Variants in SLC24A2 observed in about 807,000 individuals in gnomAD.
SLC24A2 encodes the protein sodium/potassium/calcium exchanger 2.
In SLC24A2, 36 loss-of-function variants were observed where a neutral mutation model predicts 62.0. That is an observed-to-expected ratio of 0.58 (90% CI 0.44 to 0.77). SLC24A2 has a LOEUF of 0.77. Among genes scored for constraint, SLC24A2 ranks in the 30% least tolerant of loss-of-function variants. The pLI is 0.00. For missense variants in SLC24A2, 846 were observed against 817.9 expected (o/e 1.03, Z -0.42); for synonymous variants, 358 against 294.0 (o/e 1.22, Z -2.23).
At chr9:20,093,947 A>G in the SLC24A2 span, among the ~76,000 whole-genome samples, 2 of 152,164 alleles carry the variant, frequency 1.3e-5, no homozygotes, top group Non-Finnish European at 2.9e-5. Context: ...CTATGTACTC[A>G]CAGAAATTTG....
chr9:19,763,589 G>T (rs1285398753), intron 2 of SLC24A2, among the ~76,000 whole-genome samples: 1 of 152,160 alleles, frequency 6.6e-6, no homozygotes, highest in African/African-American at 2.4e-5. Context: ...TTTGTCACTG[G>T]TTCTGTTTAT....
chr9:19,745,067 G>C (rs376600003), intron 2 of SLC24A2, among the ~76,000 whole-genome samples: 1 of 152,132 alleles, frequency 6.6e-6, no homozygotes, highest in African/African-American at 2.4e-5. Context: ...GATCTCTTAT[G>C]AATGGCTTAG....
At chr9:19,709,037 A>G (rs184458157) in intron 2 of SLC24A2, among the ~76,000 whole-genome samples, 32 of 152,332 alleles carry the variant, frequency 2.1e-4, no homozygotes, top group African/African-American at 7.0e-4. Context: ...AGAATCTACA[A>G]TGAACTCAAA....
chr9:20,179,404 G>T, the SLC24A2 span, among the ~76,000 whole-genome samples: 1 of 152,172 alleles, frequency 6.6e-6, no homozygotes, highest in Admixed American at 6.5e-5. Flanking sequence ...GTACGGACAG[G>T]TGGTCCAGAA....
At chr9:20,127,668 G>A in the SLC24A2 span, among the ~76,000 whole-genome samples, 10 of 152,068 alleles carry the variant, frequency 6.6e-5, no homozygotes, top group South Asian at 2.1e-4. Context: ...TTCCAGTTAG[G>A]GTTCTAACTT....
intron 2 of SLC24A2, among the ~76,000 whole-genome samples, chr9:19,706,134 A>T (rs1481481009): frequency 1.3e-5 from 2 of 151,802 alleles, no homozygotes; most frequent in African/African-American, 4.8e-5. Flanking sequence ...GGGTGCATAT[A>T]TATTTAGGAT....
chr9:19,561,759 G>A (rs1297780584), intron 7 of SLC24A2, among the ~76,000 whole-genome samples: 4 of 148,540 alleles, frequency 2.7e-5, no homozygotes, highest in Admixed American at 2.1e-4. Flanking sequence ...ATGATAAATC[G>A]TTGCTTGCCT....
intron 2 of SLC24A2, among the ~76,000 whole-genome samples, chr9:19,737,840 T>C (rs1171531021): frequency 6.6e-6 from 1 of 152,072 alleles, no homozygotes; most frequent in Non-Finnish European, 1.5e-5. Context: ...TTTATAAAAA[T>C]GAAACTTTTT....
chr9:19,584,749 T>C (rs1431526790), intron 5 of SLC24A2, among the ~76,000 whole-genome samples: 3 of 152,186 alleles, frequency 2.0e-5, no homozygotes, highest in Admixed American at 6.5e-5. Context: ...AATAATTTCA[T>C]CTTAAACAAA....
chr9:20,287,497 A>G, the SLC24A2 span, among the ~76,000 whole-genome samples: 1 of 152,232 alleles, frequency 6.6e-6, no homozygotes, highest in African/African-American at 2.4e-5. Context: ...TAACCACAGA[A>G]CAAAAGGGTT....
chr9:19,771,632 C>T (rs1047692829), intron 2 of SLC24A2, among the ~76,000 whole-genome samples: 6 of 152,158 alleles, frequency 3.9e-5, no homozygotes, highest in African/African-American at 7.2e-5. Context: ...AAGCTAGAAA[C>T]GAGAGCGAGG....
At chr9:20,157,105 G>A in the SLC24A2 span, among the ~76,000 whole-genome samples, 2 of 151,758 alleles carry the variant, frequency 1.3e-5, no homozygotes, top group Admixed American at 6.6e-5. Context: ...TGCACATCTA[G>A]TAAGTACTCA....
chr9:19,809,683 T>C, the SLC24A2 span, among the ~76,000 whole-genome samples: 1 of 152,054 alleles, frequency 6.6e-6, no homozygotes, highest in African/African-American at 2.4e-5. Flanking sequence ...AAAGTTCATT[T>C]TCATAATAAG....
chr9:19,882,660 A>C, the SLC24A2 span, among the ~76,000 whole-genome samples: 24 of 122,008 alleles, frequency 2.0e-4, 1 homozygote, highest in East Asian at 3.5e-3. Context: ...GAGGATCTAC[A>C]GGTTAAAAAA....
chr9:19,844,912 TC>T, the SLC24A2 span, among the ~76,000 whole-genome samples: 1 of 151,830 alleles, frequency 6.6e-6, no homozygotes, highest in African/African-American at 2.4e-5. Context: ...TATTTTGGTT[TC>T]TGTAGCCTTA....
chr9:19,716,504 A>G (rs1820864510), intron 2 of SLC24A2, among the ~76,000 whole-genome samples: 1 of 152,222 alleles, frequency 6.6e-6, no homozygotes, highest in Admixed American at 6.5e-5. Flanking sequence ...TTGCAGTGAC[A>G]TTCTCCTGTG....
chr9:20,164,608 A>G, the SLC24A2 span, among the ~76,000 whole-genome samples: 2 of 151,392 alleles, frequency 1.3e-5, no homozygotes, highest in Non-Finnish European at 2.9e-5. Flanking sequence ...TAGAAATACC[A>G]TTTGACCCAG....
the SLC24A2 span, among the ~76,000 whole-genome samples, chr9:20,036,237 A>T: frequency 9.8e-5 from 15 of 152,318 alleles, no homozygotes; most frequent in Non-Finnish European, 1.9e-4. Flanking sequence ...TATGAGGCAC[A>T]AAGTGATGCT....
intron 2 of SLC24A2, among the ~76,000 whole-genome samples, chr9:19,720,159 AG>A (rs1375923149): frequency 1.3e-5 from 2 of 152,252 alleles, no homozygotes; most frequent in Non-Finnish European, 2.9e-5. Flanking sequence ...AATATGATCA[AG>A]AAATGTAGGT....
Sources: gnomAD v4.1 joint callset for allele counts (sites outside exome capture counted in the v4.1 genomes callset) on GRCh38, gnomAD v4.1.1 for gene constraint, MANE v1.5 for transcripts, NCBI Gene and HGNC (gene_info 2026-07-23, HGNC 2026-07-21) for gene names.